KIAA1217: variants seen among roughly 807,000 people sequenced by gnomAD.
KIAA1217 encodes sickle tail protein homolog.
A neutral mutation model predicts 163.9 loss-of-function variants in KIAA1217; 88 were observed. The ratio of observed to expected loss-of-function variants is 0.54; its 90% CI spans 0.45 to 0.64. The LOEUF (loss-of-function observed/expected upper bound fraction) is 0.64. KIAA1217 is among the 30% of genes least tolerant of loss of function. The pLI, the probability that KIAA1217 is intolerant of heterozygous loss-of-function variation, is 0.00. For missense variants in KIAA1217, 2,372 were observed against 2,475.0 expected (o/e 0.96, Z 0.88); for synonymous variants, 903 against 923.1 (o/e 0.98, Z 0.39).
chr10:24,425,615 A>T (rs1313007494), intron 3 of KIAA1217, among the ~76,000 whole-genome samples: 1 of 152,200 alleles, frequency 6.6e-6, no homozygotes, highest in Non-Finnish European at 1.5e-5. Flanking sequence ...CAGTGAACAG[A>T]TTTATTAAAT....
rs929052997 is a variant in KIAA1217 at position 24,466,489 on chromosome 10, G to A, written c.847-6739G>A. 9 of 983,974 alleles carry A rather than the reference G, an allele frequency of 9.1e-6. No homozygotes were observed. The African/African-American group carries it at 1.6e-4, about 17-fold the overall frequency. The allele number at this position is 983,974 out of a possible 1,614,324, so 61.0% of individuals were successfully genotyped here. A position where few individuals can be genotyped will look rare whatever the true frequency, so the allele number is the denominator to read the frequency against. On this transcript the variant is annotated intron_variant, in intron 5 of 20. Coordinates refer to ENST00000376454, the MANE Select transcript of KIAA1217 (RefSeq NM_019590.5). ...TTATTCAGTGACTAATTTCCAAGGG[G>A]AGGAGAAATTGACTTATCACGGGGA...
At chr10:24,074,049 A>C (rs1458988269) in intron 2 of KIAA1217, among the ~76,000 whole-genome samples, 1 of 150,354 alleles carries the variant, frequency 6.7e-6, no homozygotes, top group African/African-American at 2.4e-5. Flanking sequence ...GAAGGTGCTT[A>C]AAAAAAAAAT....
chr10:23,769,122 T>C (rs924691899), intron 1 of KIAA1217, among the ~76,000 whole-genome samples: 1 of 152,218 alleles, frequency 6.6e-6, no homozygotes, highest in Non-Finnish European at 1.5e-5. Context: ...AATCAATCTC[T>C]GTGAGCATTC....
At chr10:24,097,307 C>T (rs1366904126) in intron 2 of KIAA1217, among the ~76,000 whole-genome samples, 3 of 152,178 alleles carry the variant, frequency 2.0e-5, no homozygotes. Context: ...ATCCCAGTTA[C>T]TTAGCAGGCT....
chr10:23,805,996 CA>C (rs71397917), intron 1 of KIAA1217, among the ~76,000 whole-genome samples: 556 of 30,496 alleles, frequency 0.018, 1 homozygote, highest in African/African-American at 0.049. Context: ...AACTCCATCT[CA>C]AAAAAAAAAA....
chr10:24,193,652 G>A (rs991045032), intron 2 of KIAA1217, among the ~76,000 whole-genome samples: 14 of 152,208 alleles, frequency 9.2e-5, no homozygotes, highest in Admixed American at 9.2e-4. Flanking sequence ...TAAACGAGCT[G>A]CGCCATGCAG....
At chr10:24,451,877 G>A (rs2061400853) in intron 5 of KIAA1217, among the ~76,000 whole-genome samples, 1 of 152,142 alleles carries the variant, frequency 6.6e-6, no homozygotes, top group African/African-American at 2.4e-5. Context: ...CACTTGCTGA[G>A]GTCTTGCTTT....
At chr10:24,277,657 ATTC>A (rs780329496) in intron 2 of KIAA1217, among the ~76,000 whole-genome samples, 1 of 152,200 alleles carries the variant, frequency 6.6e-6, no homozygotes, top group African/African-American at 2.4e-5. Context: ...CTGGGCACTC[ATTC>A]TTCTCCTTGC....
intron 2 of KIAA1217, among the ~76,000 whole-genome samples, chr10:24,304,644 A>T (rs2041800158): frequency 6.6e-6 from 1 of 152,050 alleles, no homozygotes; most frequent in Non-Finnish European, 1.5e-5. Context: ...TTGGGGTTTT[A>T]TTATTTGCCT....
intron 1 of KIAA1217, among the ~76,000 whole-genome samples, chr10:23,700,889 A>G (rs1351718446): frequency 1.3e-5 from 2 of 151,010 alleles, no homozygotes; most frequent in Non-Finnish European, 2.9e-5. Context: ...TCTCTCCCCT[A>G]CTAGAAGGTA....
intron 2 of KIAA1217, among the ~76,000 whole-genome samples, chr10:24,345,821 A>G (rs911985838): frequency 6.6e-6 from 1 of 152,174 alleles, no homozygotes; most frequent in African/African-American, 2.4e-5. Context: ...AGTAAAATAC[A>G]CATAACGTAA....
chr10:24,183,567 A>G (rs2066280852), intron 2 of KIAA1217, among the ~76,000 whole-genome samples: 3 of 152,364 alleles, frequency 2.0e-5, no homozygotes, highest in African/African-American at 7.2e-5. Flanking sequence ...AAAACTAAAC[A>G]TGAATGATAG....
At position 23,716,398 on chromosome 10, in the gene KIAA1217, T is replaced by C. The variant is rs1564361849; in HGVS notation, c.-321+21164T>C. On this transcript the variant is annotated intron_variant, in intron 1 of 18. Transcript: ENST00000376462. ...TCAGCATAGTTTGTGTGTGTATCTG[T>C]ATTCTAGGGGATCCTTTAGGCTAAA... Among the ~76,000 whole-genome samples, 15 of 152,312 alleles carry C rather than the reference T, an allele frequency of 9.8e-5. No individual in the cohort carries two copies. In the South Asian group the frequency reaches 3.1e-3, roughly 32 times the overall value.
At chr10:24,242,663 C>T (rs754953768) in intron 2 of KIAA1217, among the ~76,000 whole-genome samples, 1 of 152,156 alleles carries the variant, frequency 6.6e-6, no homozygotes, top group Non-Finnish European at 1.5e-5. Flanking sequence ...GAGAAATCTC[C>T]ACACTGCCTT....
Position 24,006,303 on chromosome 10 carries a change from C to T in KIAA1217, c.-320-922C>T, listed in dbSNP as rs571911754. Among the ~76,000 whole-genome samples, 104 of 152,294 alleles carry T rather than the reference C, an allele frequency of 6.8e-4. 2 individuals are homozygous for T. Among genetic ancestry groups the T allele is most frequent in the South Asian group, 2.1e-4 (1 of 4,830 alleles). On this transcript the variant is annotated intron_variant, in intron 1 of 18. Transcript: ENST00000376462. ...ATGGTCAAAACTCAATAATGTGTTT[C>T]TGACATAAGTGTGTTCAATTACCTT...
At chr10:24,392,669 A>T (rs2130852353) in intron 3 of KIAA1217, among the ~76,000 whole-genome samples, 1 of 152,318 alleles carries the variant, frequency 6.6e-6, no homozygotes, top group Non-Finnish European at 1.5e-5. Flanking sequence ...AAAATTTTTA[A>T]TATGTTCCAA....
chr10:24,485,332 C>T (rs2065254645), intron 6 of KIAA1217, among the ~76,000 whole-genome samples: 1 of 152,126 alleles, frequency 6.6e-6, no homozygotes, highest in African/African-American at 2.4e-5. Flanking sequence ...CGTGGCCTGC[C>T]AAGAACTCAA....
intron 20 of KIAA1217, 182 bp from the exon 21 acceptor site, chr10:24,545,645 T>C: frequency 7.1e-7 from 1 of 1,399,886 alleles, no homozygotes; most frequent in African/African-American, 1.4e-5. Context: ...TCCTTTGCTA[T>C]GTACATGGGG....
chr10:23,777,554 T>C (rs117706557), intron 1 of KIAA1217, among the ~76,000 whole-genome samples: 1,573 of 152,316 alleles, frequency 0.01, 48 homozygotes, highest in African/African-American at 0.031. Flanking sequence ...TTAGAGCTGC[T>C]TAGGTTACAG....
Sources: allele counts gnomAD v4.1 joint callset (sites outside exome capture counted in the v4.1 genomes callset), GRCh38; gene constraint gnomAD v4.1.1; transcripts MANE v1.5; gene names NCBI Gene and HGNC (gene_info 2026-07-23, HGNC 2026-07-21).